The following RPA3 variants were observed in gnomAD, a reference collection of about 807,000 sequenced individuals.
RPA3 encodes the protein replication protein A3.
Under a neutral mutation model 13.7 loss-of-function variants are expected in RPA3, and 24 were observed. The observed-to-expected ratio is 1.75, with a 90% CI of 1.27 to 2.46. The LOEUF is 2.46. Ranked by LOEUF, RPA3 falls within the 30% of genes most tolerant of loss-of-function variation. The pLI, the probability that RPA3 is intolerant of heterozygous loss-of-function variation, is 0.00. For synonymous variants in RPA3, 59 were observed against 51.2 expected (o/e 1.15, Z -0.65); for missense variants, 183 against 151.0 (o/e 1.21, Z -1.11).
chr7:7,693,990 G>T (rs948060181), intron 2 of RPA3, among the ~76,000 whole-genome samples: 1 of 152,040 alleles, frequency 6.6e-6, no homozygotes, highest in African/African-American at 2.4e-5. Flanking sequence ...AGTTGTTCTG[G>T]AATACTAATG....
intron 2 of RPA3, among the ~76,000 whole-genome samples, chr7:7,711,154 T>C (rs138255451): frequency 6.6e-6 from 1 of 152,310 alleles, no homozygotes; most frequent in African/African-American, 2.4e-5. Flanking sequence ...GGTTGTGGTA[T>C]TGAACTATAG....
chr7:7,640,286 G>A lies in RPA3; in HGVS notation c.99+34C>T, dbSNP rs28916296. 9.0e-5 allele frequency: 144 copies of A among 1,607,856 alleles called. No homozygotes were observed. The Admixed American group carries it at 2.3e-3, about 26-fold the overall frequency. The stretch of plus-strand genomic sequence containing the variant: ...AGGCGGGGTCCCTCCCTCCAGCTAC[G>A]GACTTGGGAGCCCATGATTGCGAAC... On this transcript the variant is annotated intron_variant, in intron 5 of 7. Coordinates refer to ENST00000223129, the MANE Select transcript of RPA3 (RefSeq NM_002947.5).
intron 2 of RPA3, among the ~76,000 whole-genome samples, chr7:7,700,507 T>C (rs1780433165): frequency 6.6e-6 from 1 of 152,142 alleles, no homozygotes; most frequent in African/African-American, 2.4e-5. Context: ...GGAAGATCGC[T>C]TGAGGCCATA....
intron 2 of RPA3, among the ~76,000 whole-genome samples, chr7:7,691,472 T>C (rs1780170610): frequency 6.6e-6 from 1 of 152,254 alleles, no homozygotes. Context: ...TATTTACTAC[T>C]GTCCTGCAAA....
chr7:7,661,475 A>T (rs967410696), intron 4 of RPA3, among the ~76,000 whole-genome samples: 1 of 151,966 alleles, frequency 6.6e-6, no homozygotes, highest in Non-Finnish European at 1.5e-5. Flanking sequence ...GATGCTGGTG[A>T]CCTTTCAGTG....
chr7:7,647,246 A>G lies in RPA3; in HGVS notation c.-757-6071T>C, dbSNP rs958972137. ...TTTCAGCATATTTCTTTTTTGACCCATGCATTATTTTTGTTTCAAAATGTA... is the reference window on the plus strand; with the variant it reads ...TTTCAGCATATTTCTTTTTTGACCCGTGCATTATTTTTGTTTCAAAATGTA... On this transcript the variant is annotated intron_variant, in intron 4 of 7. Transcript: ENST00000223129. Among the ~76,000 whole-genome samples the G allele has an allele frequency of 3.3e-5, 5 of 152,276 alleles. No individual in the cohort carries two copies. The South Asian group carries it at 6.2e-4, about 19-fold the overall frequency.
chr7:7,658,905 G>A (rs1785408403), intron 4 of RPA3, among the ~76,000 whole-genome samples: 1 of 152,120 alleles, frequency 6.6e-6, no homozygotes, highest in South Asian at 2.1e-4. Context: ...TGTACCTCTG[G>A]TAGAATTTGG....
intron 4 of RPA3, among the ~76,000 whole-genome samples, chr7:7,670,204 A>G (rs1779571714): frequency 6.6e-6 from 1 of 152,198 alleles, no homozygotes; most frequent in Non-Finnish European, 1.5e-5. Context: ...GGGTTGGAGA[A>G]TGACTTATTA....
chr7:7,640,242 T>C, intron 5 of RPA3, 78 bp downstream of exon 5: 1 of 1,471,020 alleles, frequency 6.8e-7, no homozygotes, highest in Non-Finnish European at 9.5e-7. Flanking sequence ...TTTCCGTCCT[T>C]TTTCATCCCC....
At chr7:7,697,660 A>G (rs2115148145) in intron 2 of RPA3, among the ~76,000 whole-genome samples, 1 of 152,356 alleles carries the variant, frequency 6.6e-6, no homozygotes, top group Middle Eastern at 3.4e-3. Flanking sequence ...CATTCATGTG[A>G]CATTGGCACC....
chr7:7,696,684 A>T (rs186170846), intron 2 of RPA3, among the ~76,000 whole-genome samples: 1 of 152,072 alleles, frequency 6.6e-6, no homozygotes, highest in Non-Finnish European at 1.5e-5. Flanking sequence ...TAAATAAAGC[A>T]CTCCGTAAAG....
At chr7:7,642,660 A>C (rs1785001110) in intron 4 of RPA3, among the ~76,000 whole-genome samples, 3 of 152,192 alleles carry the variant, frequency 2.0e-5, no homozygotes, top group Non-Finnish European at 4.4e-5. Flanking sequence ...TGATGTACAG[A>C]AAAAAGTATA....
chr7:7,718,291 C>G (rs1780968170), intron 1 of RPA3, among the ~76,000 whole-genome samples: 1 of 152,086 alleles, frequency 6.6e-6, no homozygotes, highest in African/African-American at 2.4e-5. Context: ...AACCATAAAA[C>G]TATTTTGATA....
chr7:7,704,721 C>A (rs571582503), intron 2 of RPA3, among the ~76,000 whole-genome samples: 1 of 135,668 alleles, frequency 7.4e-6, no homozygotes, highest in African/African-American at 2.8e-5. Flanking sequence ...GAGCTGAGAT[C>A]GCACCACTGT....
intron 4 of RPA3, among the ~76,000 whole-genome samples, chr7:7,650,951 C>T (rs1291218594): frequency 6.6e-6 from 1 of 152,142 alleles, no homozygotes; most frequent in Admixed American, 6.6e-5. Context: ...ATTTGTTGTA[C>T]TCAGGAACCA....
rs146743054 is a variant in RPA3, at chr7:7,643,873, C to G, written c.-757-2698G>C. Among the ~76,000 whole-genome samples, 7 of 152,222 alleles carry G rather than the reference C, an allele frequency of 4.6e-5. No homozygotes were observed. The East Asian group carries it at 1.4e-3, about 29-fold the overall frequency. The stretch of plus-strand genomic sequence containing the variant: ...TTTAAAGTAAACTTCCATTCCTGCT[C>G]TGGAACTTGCCTGGGTCTCTGTTTC... On this transcript the variant is annotated intron_variant, in intron 4 of 7. Transcript: ENST00000223129.
intron 4 of RPA3, among the ~76,000 whole-genome samples, chr7:7,677,466 A>C (rs1779771062): frequency 6.6e-6 from 1 of 151,986 alleles, no homozygotes; most frequent in Admixed American, 6.6e-5. Context: ...GTTCAATTTG[A>C]AAAAAACTGA....
chr7:7,672,628 G>T (rs1303490270), intron 4 of RPA3, among the ~76,000 whole-genome samples: 2 of 152,114 alleles, frequency 1.3e-5, no homozygotes, highest in South Asian at 4.1e-4. Context: ...GAGATCTGAT[G>T]GTTTTATAAG....
At chr7:7,646,990 C>A (rs1377245624) in intron 4 of RPA3, among the ~76,000 whole-genome samples, 21 of 152,168 alleles carry the variant, frequency 1.4e-4, no homozygotes, top group Middle Eastern at 3.2e-3. Context: ...GGGACCCCAC[C>A]CTTCTGCCGC....
Sources: allele counts gnomAD v4.1 joint callset (sites outside exome capture counted in the v4.1 genomes callset), GRCh38; gene constraint gnomAD v4.1.1; transcripts MANE v1.5; gene names NCBI Gene and HGNC (gene_info 2026-07-23, HGNC 2026-07-21).